PCBP3: variants seen among roughly 807,000 people sequenced by gnomAD.
The protein encoded by PCBP3 is poly(rC) binding protein 3, also known as poly(rC)-binding protein 3.
PCBP3 carries 25 observed loss-of-function variants against 52.7 expected under a neutral mutation model. The ratio of observed to expected loss-of-function variants is 0.47; its 90% CI spans 0.35 to 0.66. The LOEUF is 0.66. PCBP3 is among the 30% of genes least tolerant of loss of function. The pLI, the probability that PCBP3 is intolerant of heterozygous loss-of-function variation, is 0.01. For synonymous variants in PCBP3, 162 were observed against 183.0 expected (o/e 0.89, Z 0.93); for missense variants, 391 against 490.3 (o/e 0.80, Z 1.91).
chr21:45,756,824 G>A (rs1453417581), intron 4 of PCBP3, among the ~76,000 whole-genome samples: 2 of 152,176 alleles, frequency 1.3e-5, no homozygotes, highest in Non-Finnish European at 2.9e-5. Flanking sequence ...GTTATGGTAT[G>A]TATTAGTACT....
chr21:45,709,826 C>A (rs1443692996), intron 2 of PCBP3, among the ~76,000 whole-genome samples: 1 of 152,170 alleles, frequency 6.6e-6, no homozygotes, highest in Non-Finnish European at 1.5e-5. Context: ...TATATTTAAT[C>A]ATTGTGGTTC....
rs1263444916 is a variant in PCBP3, at chr21:45,904,252, G to A, written c.339+3139G>A. 6.6e-6 allele frequency among the ~76,000 whole-genome samples: 1 copy of A among 152,234 alleles called. No homozygotes were observed. On this transcript the variant is annotated intron_variant, in intron 9 of 17. Coordinates refer to ENST00000681687, the MANE Select transcript of PCBP3 (RefSeq NM_001384156.1). The surrounding 1 kb of genome is among the most constrained non-coding windows in gnomAD (Gnocchi z 4.8). ...AGCCTTCCAGTCATCAGTCCATGGA[G>A]GAAGAGCTGAGATGTCTCCAAGCGC... is the stretch of plus-strand genomic sequence containing the variant.
intron 4 of PCBP3, among the ~76,000 whole-genome samples, chr21:45,782,678 T>C (rs1404199769): frequency 6.6e-6 from 1 of 152,210 alleles, no homozygotes; most frequent in Non-Finnish European, 1.5e-5. Flanking sequence ...TTCAAATTCA[T>C]GAAACAGCCT....
chr21:45,762,491 C>CTCTTTTTTTTTTTTTT (rs2088795733), intron 4 of PCBP3: 2 of 104,664 alleles, frequency 1.9e-5, no homozygotes, highest in Non-Finnish European at 1.9e-5. Context: ...CTTTTCTTCT[C>CTCTTTTTTTTTTTTTT]TTTTTTTTTT....
At chr21:45,649,322 A>G (rs1159536422) in intron 1 of PCBP3, among the ~76,000 whole-genome samples, 6 of 152,216 alleles carry the variant, frequency 3.9e-5, no homozygotes, top group Non-Finnish European at 7.3e-5. Context: ...TCCCTCCCAT[A>G]ACACATGGGA....
At chr21:45,844,645 T>C (rs1197113516) in intron 4 of PCBP3, among the ~76,000 whole-genome samples, 1 of 152,032 alleles carries the variant, frequency 6.6e-6, no homozygotes, top group Non-Finnish European at 1.5e-5. Context: ...AAGGGCAGCG[T>C]GGCTTCCTCA....
chr21:45,700,636 T>C (rs2083065203), intron 2 of PCBP3, among the ~76,000 whole-genome samples: 1 of 152,030 alleles, frequency 6.6e-6, no homozygotes, highest in Non-Finnish European at 1.5e-5. Flanking sequence ...GTGCCATAGG[T>C]ATCCCGTGCA....
At chr21:45,833,409 A>G (rs546855353) in intron 4 of PCBP3, among the ~76,000 whole-genome samples, 1 of 152,308 alleles carries the variant, frequency 6.6e-6, no homozygotes, top group East Asian at 1.9e-4. Context: ...AGGCCTCACA[A>G]CAGCACAACC....
At chr21:45,814,594 G>A (rs1286307028) in intron 4 of PCBP3, among the ~76,000 whole-genome samples, 1 of 132,168 alleles carries the variant, frequency 7.6e-6, no homozygotes, top group Non-Finnish European at 1.6e-5. Flanking sequence ...GATGAGTGGT[G>A]AGTGAGTGAT....
rs1383507813 is a variant in PCBP3, at chr21:45,825,859, A to G, written c.-125-24102A>G. 2.6e-5 allele frequency among the ~76,000 whole-genome samples: 4 copies of G among 152,212 alleles called. No individual in the cohort carries two copies. The East Asian group carries it at 7.7e-4, about 29-fold the overall frequency. The stretch of plus-strand genomic sequence containing the variant: ...TCACAGGGAGGGATTCAGTGCATAC[A>G]GTGACATGGAAATAAATCCAAATGA... On this transcript the variant is annotated intron_variant, in intron 4 of 17. Coordinates refer to ENST00000681687, the MANE Select transcript of PCBP3 (RefSeq NM_001384156.1).
chr21:45,906,082 A>G (rs11089029), intron 9 of PCBP3, among the ~76,000 whole-genome samples: 50,664 of 152,062 alleles, frequency 0.33, 9,326 homozygotes, highest in East Asian at 0.67. Context: ...AAGCAGGAGG[A>G]GACTTCAGTG....
intron 1 of PCBP3, among the ~76,000 whole-genome samples, chr21:45,666,443 G>A (rs1285774723): frequency 6.6e-6 from 1 of 151,978 alleles, no homozygotes; most frequent in Non-Finnish European, 1.5e-5. Flanking sequence ...TATCTTTACT[G>A]GTGCTGTTTA....
chr21:45,859,242 G>C (rs2094423800), intron 5 of PCBP3, among the ~76,000 whole-genome samples: 1 of 152,100 alleles, frequency 6.6e-6, no homozygotes, highest in Non-Finnish European at 1.5e-5. Flanking sequence ...CCCCGACCAG[G>C]AACAGCTGAG....
chr21:45,810,693 A>C (rs186482723), intron 4 of PCBP3, among the ~76,000 whole-genome samples: 30 of 152,098 alleles, frequency 2.0e-4, no homozygotes, highest in Admixed American at 8.5e-4. Flanking sequence ...TTACGCAATG[A>C]CTTTGGAATT....
chr21:45,844,393 A>G (rs997690190), intron 4 of PCBP3, among the ~76,000 whole-genome samples: 4 of 152,000 alleles, frequency 2.6e-5, no homozygotes, highest in Non-Finnish European at 5.9e-5. Flanking sequence ...AGCCCTTCAC[A>G]TGGTCCAGAT....
chr21:45,797,804 TACGTGGATGG>T (rs897138304), intron 4 of PCBP3, among the ~76,000 whole-genome samples: 1 of 534 alleles, frequency 1.9e-3, no homozygotes, highest in African/African-American at 0.013. Context: ...AGAGAGTGAA[TACGTGGATGG>T]ACAGATGCAT....
At chr21:45,693,211 C>A (rs908683550) in intron 2 of PCBP3, among the ~76,000 whole-genome samples, 2 of 152,072 alleles carry the variant, frequency 1.3e-5, no homozygotes, top group African/African-American at 4.8e-5. Context: ...CACTTACCTC[C>A]TAAGACTACC....
At chr21:45,730,438 T>A (rs2085368152) in intron 2 of PCBP3, among the ~76,000 whole-genome samples, 1 of 151,988 alleles carries the variant, frequency 6.6e-6, no homozygotes, top group South Asian at 2.1e-4. Context: ...TATTGAAATT[T>A]AAAAAAAATT....
chr21:45,680,884 CA>C (rs1487857605), intron 2 of PCBP3, among the ~76,000 whole-genome samples: 5 of 152,156 alleles, frequency 3.3e-5, no homozygotes, highest in Non-Finnish European at 7.3e-5. Context: ...ACTGCTATAA[CA>C]AAATACCTGG....
Sources: allele counts gnomAD v4.1 joint callset (sites outside exome capture counted in the v4.1 genomes callset), GRCh38; gene constraint gnomAD v4.1.1; non-coding constraint Gnocchi (gnomAD v3.1); transcripts MANE v1.5; gene names NCBI Gene and HGNC (gene_info 2026-07-23, HGNC 2026-07-21).